CNOT6: variants seen among roughly 807,000 people sequenced by gnomAD.
CNOT6 encodes CCR4-NOT transcription complex subunit 6.
In CNOT6, 12 loss-of-function variants were observed where a neutral mutation model predicts 61.2. The observed-to-expected ratio is 0.20, with a 90% CI of 0.13 to 0.32. The LOEUF is 0.32. Among genes scored for constraint, CNOT6 ranks in the 10% least tolerant of loss-of-function variants. The pLI is 1.00. For synonymous variants in CNOT6, 225 were observed against 240.6 expected (o/e 0.94, Z 0.60); for missense variants, 405 against 663.9 (o/e 0.61, Z 4.28).
At chr5:180,510,560 G>A (rs114746674) in intron 1 of CNOT6, among the ~76,000 whole-genome samples, 1,628 of 152,176 alleles carry the variant, frequency 0.011, 28 homozygotes, top group African/African-American at 0.037. Flanking sequence ...AACAGCAGGC[G>A]AATATATTAA....
At position 180,566,638 on chromosome 5, in the gene CNOT6, T is replaced by C. The variant is rs1251882589; in HGVS notation, c.718-450T>C. Among the ~76,000 whole-genome samples, 3 of 128,806 alleles carry C rather than the reference T, an allele frequency of 2.3e-5. No individual in the cohort carries two copies. The East Asian group carries it at 6.4e-4, about 28-fold the overall frequency. The allele number at this position is 128,806 out of a possible 152,430, so 84.5% of individuals were successfully genotyped here. On this transcript the variant is annotated intron_variant, in intron 7 of 11. Transcript: ENST00000261951. ...CAGATAAATAGTGTTGAAAAGATGT[T>C]ACTTTTTTTTTTTTTTTTTTTTTTT...
chr5:180,515,623 G>T (rs144831317), intron 1 of CNOT6, among the ~76,000 whole-genome samples: 3 of 152,072 alleles, frequency 2.0e-5, no homozygotes, highest in African/African-American at 7.2e-5. Flanking sequence ...AATGAGGAGG[G>T]TCTGTATTAA....
At chr5:180,561,811 G>A (rs1760205394) in intron 4 of CNOT6, among the ~76,000 whole-genome samples, 1 of 152,218 alleles carries the variant, frequency 6.6e-6, no homozygotes, top group South Asian at 2.1e-4. Context: ...ATTGCAGGGA[G>A]ATGGTGAAAG....
intron 2 of CNOT6, among the ~76,000 whole-genome samples, chr5:180,546,874 A>G (rs557343257): frequency 6.6e-6 from 1 of 152,102 alleles, no homozygotes; most frequent in African/African-American, 2.4e-5. Flanking sequence ...AGATTTTTTT[A>G]TTTTTTATTT....
At chr5:180,550,344 G>T (rs1208091933) in intron 3 of CNOT6, among the ~76,000 whole-genome samples, 1 of 151,952 alleles carries the variant, frequency 6.6e-6, no homozygotes, top group Non-Finnish European at 1.5e-5. Context: ...CCAGCTACTC[G>T]GGAGGCTGAG....
chr5:180,535,319 C>G (rs11740953), intron 2 of CNOT6, among the ~76,000 whole-genome samples: 1 of 152,058 alleles, frequency 6.6e-6, no homozygotes. Context: ...TTTTCGCCCT[C>G]CCGTGTTTTG....
intron 1 of CNOT6, among the ~76,000 whole-genome samples, chr5:180,526,355 G>A (rs1181467592): frequency 3.3e-5 from 5 of 152,178 alleles, no homozygotes; most frequent in Admixed American, 3.3e-4. Context: ...GGAAGGAAGG[G>A]ATTGCCAGAG....
chr5:180,568,692 C>G (rs756395523), intron 9 of CNOT6, among the ~76,000 whole-genome samples: 13 of 152,072 alleles, frequency 8.5e-5, no homozygotes, highest in Admixed American at 3.9e-4. Flanking sequence ...ACTTGTGTCA[C>G]TTGAGGAACA....
intron 2 of CNOT6, among the ~76,000 whole-genome samples, chr5:180,539,551 C>CTTTTTTTTTTTTTTTTTTTTTTTTTTT (rs70973934): frequency 2.7e-5 from 1 of 37,066 alleles, no homozygotes; most frequent in African/African-American, 7.6e-5. Flanking sequence ...TTTTTCTGTT[C>CTTTTTTTTTTTTTTTTTTTTTTTTTTT]TTTTTTTTTT....
At chr5:180,540,044 A>C (rs969010247) in intron 2 of CNOT6, among the ~76,000 whole-genome samples, 7 of 151,766 alleles carry the variant, frequency 4.6e-5, no homozygotes, top group African/African-American at 1.7e-4. Flanking sequence ...CCTCTCTCTC[A>C]TTTTTATCTT....
chr5:180,541,505 G>T (rs1759040361), intron 2 of CNOT6, among the ~76,000 whole-genome samples: 1 of 132,728 alleles, frequency 7.5e-6, no homozygotes, highest in Non-Finnish European at 1.5e-5. Flanking sequence ...AGGCTAGAGT[G>T]CAGTGGTGCA....
At chr5:180,529,210 AAAAG>A in intron 1 of CNOT6, 61 bp from the exon 2 acceptor site, 4 of 879,008 alleles carry the variant, frequency 4.6e-6, no homozygotes, top group African/African-American at 3.4e-5. Context: ...AAAAAAAAAA[AAAAG>A]GTGTTGTGGC....
chr5:180,556,308 C>T (rs1019812818), intron 4 of CNOT6, among the ~76,000 whole-genome samples: 4 of 152,088 alleles, frequency 2.6e-5, no homozygotes, highest in South Asian at 2.1e-4. Context: ...TCAGAGGGTG[C>T]GCAGTTTCAT....
intron 1 of CNOT6, among the ~76,000 whole-genome samples, chr5:180,528,905 G>A (rs1380085486): frequency 6.6e-6 from 1 of 152,068 alleles, no homozygotes; most frequent in African/African-American, 2.4e-5. Context: ...ATTGTAATAT[G>A]GGTGTCCACT....
At chr5:180,513,188 C>T (rs1239192113) in intron 1 of CNOT6, among the ~76,000 whole-genome samples, 1 of 150,796 alleles carries the variant, frequency 6.6e-6, no homozygotes, top group Non-Finnish European at 1.5e-5. Context: ...TGAGCCACTG[C>T]ACCCGGCCAT....
intron 1 of CNOT6, among the ~76,000 whole-genome samples, chr5:180,510,965 C>G (rs925144429): frequency 6.6e-6 from 1 of 151,948 alleles, no homozygotes; most frequent in African/African-American, 2.4e-5. Flanking sequence ...CCACCATTCC[C>G]GGCTAATTTT....
intron 2 of CNOT6, among the ~76,000 whole-genome samples, chr5:180,532,632 A>G (rs1162462891): frequency 2.0e-5 from 3 of 152,052 alleles, no homozygotes; most frequent in African/African-American, 2.4e-5. Flanking sequence ...CTCCAATTCA[A>G]TTCCAACACT....
chr5:180,564,433 A>C (rs920645176), intron 4 of CNOT6, 56 bp from the exon 5 acceptor site: 2 of 1,207,232 alleles, frequency 1.7e-6, no homozygotes, highest in Non-Finnish European at 2.4e-6. Flanking sequence ...ACATTTTAAA[A>C]TTTTGAAACA....
chr5:180,529,966 C>A (rs569223646), intron 2 of CNOT6, among the ~76,000 whole-genome samples: 1 of 152,298 alleles, frequency 6.6e-6, no homozygotes, highest in African/African-American at 2.4e-5. Context: ...AATATATGAG[C>A]CCTCAGATGT....
Sources: gnomAD v4.1 joint callset for allele counts (sites outside exome capture counted in the v4.1 genomes callset) on GRCh38, gnomAD v4.1.1 for gene constraint, MANE v1.5 for transcripts, NCBI Gene and HGNC (gene_info 2026-07-23, HGNC 2026-07-21) for gene names.